The following MMP26 variants were observed in gnomAD, a reference collection of about 807,000 sequenced individuals.
MMP26 encodes matrix metallopeptidase 26.
Under a neutral mutation model 31.0 loss-of-function variants are expected in MMP26, and 33 were observed. The observed-to-expected ratio is 1.06, with a 90% confidence interval of 0.81 to 1.42. MMP26 has a LOEUF of 1.42. Ranked by LOEUF, MMP26 falls within the 40% of genes most tolerant of loss-of-function variation. The probability of loss-of-function intolerance (pLI) is 0.00; values close to 1 mark genes in which losing one functional copy is unlikely to be tolerated. For missense variants in MMP26, 347 were observed against 316.1 expected (o/e 1.10, Z -0.74); for synonymous variants, 122 against 114.9 (o/e 1.06, Z -0.40).
chr11:4,724,443 A>G (rs1848069186), intron 1 of MMP26, among the ~76,000 whole-genome samples: 3 of 152,324 alleles, frequency 2.0e-5, no homozygotes, highest in South Asian at 2.1e-4. Flanking sequence ...GTTTCAGACT[A>G]AAAGGAGAGA....
intron 1 of MMP26, among the ~76,000 whole-genome samples, chr11:4,727,997 T>C (rs1415537021): frequency 6.6e-6 from 1 of 152,106 alleles, no homozygotes; most frequent in African/African-American, 2.4e-5. Flanking sequence ...TTATTGGGAG[T>C]ATAATTGGTA....
chr11:4,856,709 G>A (rs1850058721), intron 2 of MMP26, among the ~76,000 whole-genome samples: 1 of 152,128 alleles, frequency 6.6e-6, no homozygotes, highest in South Asian at 2.1e-4. Flanking sequence ...ACTCAGCTCT[G>A]CACCAAGCAG....
chr11:4,902,341 C>A (rs77340269), intron 2 of MMP26, among the ~76,000 whole-genome samples: 3,120 of 149,944 alleles, frequency 0.021, 163 homozygotes, highest in African/African-American at 0.076. Context: ...TTTCTAGAAT[C>A]TTTTCTCACT....
At chr11:4,913,969 AG>A (rs1212889613) in intron 2 of MMP26, 4 of 152,238 alleles carry the variant, frequency 2.6e-5, no homozygotes, top group African/African-American at 9.6e-5. Context: ...TTTTCTTTGA[AG>A]AATACAATTA....
At chr11:4,741,756 C>A (rs542359206) in intron 1 of MMP26, among the ~76,000 whole-genome samples, 9 of 151,950 alleles carry the variant, frequency 5.9e-5, no homozygotes, top group Non-Finnish European at 1.3e-4. Flanking sequence ...GCACATGTAT[C>A]CTGGAACTTA....
intron 2 of MMP26, among the ~76,000 whole-genome samples, chr11:4,827,389 C>T (rs1255110616): frequency 2.6e-5 from 4 of 151,884 alleles, no homozygotes; most frequent in Non-Finnish European, 4.4e-5. Context: ...ATATGCTTAC[C>T]AACTTGTTTC....
At chr11:4,815,004 A>G (rs1312632414) in intron 2 of MMP26, among the ~76,000 whole-genome samples, 1 of 152,208 alleles carries the variant, frequency 6.6e-6, no homozygotes, top group Non-Finnish European at 1.5e-5. Context: ...TGAGACATCA[A>G]TCAATAAGTT....
chr11:4,738,349 GA>G (rs1164443258), intron 1 of MMP26, among the ~76,000 whole-genome samples: 1 of 152,200 alleles, frequency 6.6e-6, no homozygotes, highest in Non-Finnish European at 1.5e-5. Context: ...AGGAGGACAT[GA>G]AGCACCTTAT....
At chr11:4,815,738 C>G (rs1463500304) in intron 2 of MMP26, among the ~76,000 whole-genome samples, 1 of 152,086 alleles carries the variant, frequency 6.6e-6, no homozygotes, top group Admixed American at 6.5e-5. Flanking sequence ...CTTATGGATG[C>G]TATGTAAAAT....
chr11:4,852,655 T>G (rs1849991719), intron 2 of MMP26, among the ~76,000 whole-genome samples: 1 of 152,088 alleles, frequency 6.6e-6, no homozygotes, highest in Admixed American at 6.6e-5. Flanking sequence ...AAGAATAGTA[T>G]AAAAGTTCTT....
chr11:4,736,813 T>C (rs950953888), intron 1 of MMP26: 5 of 152,350 alleles, frequency 3.3e-5, no homozygotes, highest in African/African-American at 1.2e-4. Flanking sequence ...AACACAGGCG[T>C]GGAAACTGAT....
chr11:4,755,740 A>G (rs1041869460), intron 1 of MMP26, among the ~76,000 whole-genome samples: 1 of 152,096 alleles, frequency 6.6e-6, no homozygotes, highest in Admixed American at 6.5e-5. Context: ...TATACCAGAA[A>G]CTGCATTCCA....
chr11:4,851,791 C>G (rs1295948919), intron 2 of MMP26, among the ~76,000 whole-genome samples: 1 of 151,674 alleles, frequency 6.6e-6, no homozygotes, highest in Non-Finnish European at 1.5e-5. Flanking sequence ...ATTTATAGAA[C>G]AATCACTAAT....
chr11:4,775,021 G>T (rs1349703007), intron 2 of MMP26, among the ~76,000 whole-genome samples: 1 of 152,060 alleles, frequency 6.6e-6, no homozygotes, highest in Non-Finnish European at 1.5e-5. Context: ...TGCTGTTTTG[G>T]TTATTGCAGC....
chr11:4,979,701 A>G (rs929024511), intron 2 of MMP26, among the ~76,000 whole-genome samples: 6 of 152,250 alleles, frequency 3.9e-5, no homozygotes, highest in Admixed American at 3.3e-4. Flanking sequence ...TGGTCTCTGC[A>G]GACTCCAGCT....
intron 2 of MMP26, among the ~76,000 whole-genome samples, chr11:4,903,385 T>G (rs970298242): frequency 1.3e-5 from 2 of 152,150 alleles, no homozygotes; most frequent in African/African-American, 4.8e-5. Flanking sequence ...TATTTGATAC[T>G]TATAGATTAC....
chr11:4,751,504 G>T (rs1238467361), intron 1 of MMP26, among the ~76,000 whole-genome samples: 2 of 152,200 alleles, frequency 1.3e-5, no homozygotes, highest in East Asian at 1.9e-4. Context: ...CAACAGTAAA[G>T]TCCACCATGA....
chr11:4,943,509 T>G (rs1846247486), intron 2 of MMP26: 1 of 456,240 alleles, frequency 2.2e-6, no homozygotes, highest in Non-Finnish European at 4.4e-6. Context: ...TTGGCACCAC[T>G]GACATTTTGT....
chr11:4,915,924 G>C (rs1480201118), intron 2 of MMP26, among the ~76,000 whole-genome samples: 1 of 152,114 alleles, frequency 6.6e-6, no homozygotes, highest in African/African-American at 2.4e-5. Context: ...GGGTGAGTTG[G>C]AGATTCTAAA....
Sources: allele counts gnomAD v4.1 joint callset (sites outside exome capture counted in the v4.1 genomes callset), GRCh38; gene constraint gnomAD v4.1.1; transcripts MANE v1.5; gene names NCBI Gene and HGNC (gene_info 2026-07-23, HGNC 2026-07-21).